UNC50: variants seen among roughly 807,000 people sequenced by gnomAD.
UNC50 encodes the protein unc-50 inner nuclear membrane RNA binding protein, also known as protein unc-50 homolog.
In UNC50, 24 loss-of-function variants were observed where a neutral mutation model predicts 31.5. That is an observed-to-expected ratio of 0.76 (90% CI 0.55 to 1.07). The LOEUF (loss-of-function observed/expected upper bound fraction) is 1.07. Ranked by LOEUF, UNC50 falls within the 50% of genes least tolerant of loss-of-function variation. The pLI, the probability that UNC50 is intolerant of heterozygous loss-of-function variation, is 0.00. For synonymous variants in UNC50, 118 were observed against 114.7 expected, an observed-to-expected ratio of 1.03 and a Z score of -0.18; for missense variants, 245 against 304.2, an observed-to-expected ratio of 0.81 and a Z score of 1.45.
At chr2:98,617,636 A>G (rs1700951737) in intron 5 of UNC50, among the ~76,000 whole-genome samples, 1 of 152,198 alleles carries the variant, frequency 6.6e-6, no homozygotes, top group South Asian at 2.1e-4. Context: ...AAGAAACATC[A>G]ATATTTGGAG....
At chr2:98,616,099 G>A (rs1262286017) in intron 3 of UNC50, 108 bp from the exon 4 acceptor site, 1 of 1,125,066 alleles carries the variant, frequency 8.9e-7, no homozygotes, top group Non-Finnish European at 1.2e-6. Context: ...TGTCTGTTTT[G>A]TTTACTGGTA....
intron 3 of UNC50, 57 bp downstream of exon 3, chr2:98,610,952 T>A: frequency 6.4e-7 from 1 of 1,558,202 alleles, no homozygotes; most frequent in South Asian, 1.2e-5. Flanking sequence ...ATTTGTTTGC[T>A]TCAGAGGTAC....
At chr2:98,610,383 A>G (rs1315168118) in intron 2 of UNC50, among the ~76,000 whole-genome samples, 1 of 152,236 alleles carries the variant, frequency 6.6e-6, no homozygotes. Flanking sequence ...AGAATTGTAA[A>G]GGTATTGATG....
chr2:98,613,324 G>A (rs147383180), intron 3 of UNC50, among the ~76,000 whole-genome samples: 168 of 152,348 alleles, frequency 1.1e-3, no homozygotes, highest in African/African-American at 3.8e-3. Flanking sequence ...TGCCCTGAAT[G>A]CAGTAATTCT....
In UNC50 at chr2:98,616,478, C is replaced by G; in HGVS notation, c.588C>G (p.Thr196=). 6.2e-7 allele frequency: 1 copy of G among 1,613,978 alleles called. No individual in the cohort carries two copies. Among genetic ancestry groups the G allele is most frequent in the South Asian group, 1.1e-5 (1 of 91,060 alleles). ...DTFIGYLVGN[T]LWLVAVGYYI... ...TTATTGGATATTTAGTTGGAAATAC[C>G]TTATGGTTGGTTGCAGTTGGCTATT... Residue 196 remains threonine, a synonymous_variant, in exon 5 of 6, where the codon ACC becomes ACG. Coordinates refer to ENST00000357765, the MANE Select transcript of UNC50 (RefSeq NM_014044.7).
chr2:98,618,372 T>C lies in UNC50; in HGVS notation c.*68T>C, dbSNP rs1485778807. ...GTGAAGTGATCATTTCTTGTAAAACTTGTAAATAAACTATCATCTTTGTAG... is the reference window on the plus strand; with the variant it reads ...GTGAAGTGATCATTTCTTGTAAAACCTGTAAATAAACTATCATCTTTGTAG... On this transcript the variant is annotated 3_prime_UTR_variant, in exon 6 of 6. Coordinates refer to ENST00000357765, the MANE Select transcript of UNC50 (RefSeq NM_014044.7). 27 of 1,468,664 alleles carry C rather than the reference T, an allele frequency of 1.8e-5. No homozygotes were observed. The highest frequency in any genetic ancestry group is 2.5e-5 in the Admixed American group (1 of 39,694). 91.0% of individuals were successfully genotyped at this position (1,468,664 alleles called of 1,614,324 possible). A position where few individuals can be genotyped will look rare whatever the true frequency, so the allele number is the denominator to read the frequency against.
intron 3 of UNC50, among the ~76,000 whole-genome samples, chr2:98,612,656 G>A (rs569012932): frequency 9.2e-5 from 14 of 152,232 alleles, no homozygotes; most frequent in South Asian, 4.1e-4. Flanking sequence ...TGATCCTCCC[G>A]CCTCAGCCTC....
At chr2:98,618,127 T>TTTA in intron 5 of UNC50, 41 bp from the exon 6 acceptor site, 4 of 1,443,212 alleles carry the variant, frequency 2.8e-6, no homozygotes, top group Non-Finnish European at 3.7e-6. Flanking sequence ...TCATTTATTT[T>TTTA]TTTTTTTTTT....
chr2:98,609,244 G>C lies in UNC50; in HGVS notation c.-4-512G>C, dbSNP rs192860824. 17 of 159,812 alleles carry C rather than the reference G, an allele frequency of 1.1e-4. No individual in the cohort carries two copies. In the East Asian group the frequency reaches 2.6e-3, roughly 24 times the overall value. 9.9% of individuals were successfully genotyped at this position (159,812 alleles called of 1,614,324 possible). On this transcript the variant is annotated intron_variant, in intron 1 of 5. Transcript: ENST00000357765. ...TCCGGATGTAAAACACTAGGGATCG[G>C]AGTTTTTCTTGGTTTTTTAATCTCA...
rs757891158 is a variant in UNC50, at chr2:98,616,582, GA to G, written c.643+52del. 2.0e-6 allele frequency: 3 copies of G among 1,486,978 alleles called. No individual in the cohort carries two copies. The South Asian group carries it at 3.4e-5, about 17-fold the overall frequency. 92.1% of individuals were successfully genotyped at this position (1,486,978 alleles called of 1,614,324 possible). ...TTGGTTGAGAACATAGCAAGAGGGG[GA>G]AAGTTGTAACAGTAGTACAAACAGC... On this transcript the variant is annotated intron_variant, in intron 5 of 5. Coordinates refer to ENST00000357765, the MANE Select transcript of UNC50 (RefSeq NM_014044.7).
chr2:98,609,707 A>G, intron 1 of UNC50, 49 bp from the exon 2 acceptor site: 2 of 1,609,980 alleles, frequency 1.2e-6, no homozygotes, highest in Non-Finnish European at 1.7e-6. Flanking sequence ...GTCGGTAGCC[A>G]AATGTTTCTT....
Position 98,616,361 on chromosome 2 carries a change from A to T in UNC50, c.541+15A>T. On this transcript the variant is annotated intron_variant, in intron 4 of 5. Transcript: ENST00000357765. ...TTTCATCAACCGTAAGTAGCAGTTA[A>T]TTAGAGTATTATCCAAGTCTTCATT... 1.2e-6 allele frequency: 2 copies of T among 1,613,870 alleles called. No individual in the cohort carries two copies. The highest frequency in any genetic ancestry group is 1.7e-6 in the Non-Finnish European group (2 of 1,179,808).
intron 5 of UNC50, 170 bp from the exon 6 acceptor site, chr2:98,617,998 G>T: frequency 1.5e-6 from 1 of 682,584 alleles, no homozygotes; most frequent in Non-Finnish European, 2.3e-6. Context: ...AGCACAGAGG[G>T]GTTGGGAAGA....
chr2:98,618,337 C>CAACA lies in UNC50; in HGVS notation c.*34_*37dup. 6.3e-7 allele frequency: 1 copy of CAACA among 1,578,138 alleles called. No individual in the cohort carries two copies. The highest frequency in any genetic ancestry group is 8.6e-7 in the Non-Finnish European group (1 of 1,165,070). Reference sequence around the variant, plus strand: ...GAAGAAGATTCAATCGTAACTGTGTCAACAGTATTGTGAAGTGATCATTTC... The same window carrying CAACA: ...GAAGAAGATTCAATCGTAACTGTGTCAACAAACAGTATTGTGAAGTGATCATTTC... On this transcript the variant is annotated 3_prime_UTR_variant, in exon 6 of 6. Transcript: ENST00000357765.
Position 98,612,199 on chromosome 2 carries a change from T to C in UNC50, c.401+1304T>C, listed in dbSNP as rs564720388. On this transcript the variant is annotated intron_variant, in intron 3 of 5. Transcript: ENST00000357765. ...TGGTCATTGTGGAGAACATTTTAGTTGCAGAGAGACCTGGGTTCAAATGCC... is the reference window on the plus strand; with the variant it reads ...TGGTCATTGTGGAGAACATTTTAGTCGCAGAGAGACCTGGGTTCAAATGCC... Among the ~76,000 whole-genome samples, 14 of 152,272 alleles carry C rather than the reference T, an allele frequency of 9.2e-5. No individual in the cohort carries two copies. The South Asian group carries it at 2.7e-3, about 29-fold the overall frequency.
intron 5 of UNC50, among the ~76,000 whole-genome samples, chr2:98,617,589 A>G (rs1336747993): frequency 6.6e-6 from 1 of 152,164 alleles, no homozygotes; most frequent in East Asian, 1.9e-4. Flanking sequence ...TTAGGTCGGG[A>G]TGCATGGGGT....
At chr2:98,612,460 A>T (rs769669538) in intron 3 of UNC50, among the ~76,000 whole-genome samples, 49 of 150,112 alleles carry the variant, frequency 3.3e-4, no homozygotes, top group Non-Finnish European at 5.0e-4. Flanking sequence ...CCCAGGCTGG[A>T]GTGCAATGGT....
At chr2:98,610,680 C>T in intron 2 of UNC50, 95 bp from the exon 3 acceptor site, 3 of 1,474,230 alleles carry the variant, frequency 2.0e-6, no homozygotes, top group East Asian at 4.7e-5. Context: ...ACCTGTCTCT[C>T]CCACTAGCCT....
At chr2:98,612,203 G>A (rs978250869) in intron 3 of UNC50, among the ~76,000 whole-genome samples, 1 of 152,178 alleles carries the variant, frequency 6.6e-6, no homozygotes, top group Non-Finnish European at 1.5e-5. Context: ...TTTAGTTGCA[G>A]AGAGACCTGG....
Sources: gnomAD v4.1 joint callset for allele counts (sites outside exome capture counted in the v4.1 genomes callset) on GRCh38, gnomAD v4.1.1 for gene constraint, MANE v1.5 for transcripts, NCBI Gene and HGNC (gene_info 2026-07-23, HGNC 2026-07-21) for gene names.